Variants in INPP4A observed in about 807,000 individuals in gnomAD.
The protein encoded by INPP4A is inositol polyphosphate-4-phosphatase, type I, 107kD.
A neutral mutation model predicts 119.8 loss-of-function variants in INPP4A; 33 were observed. The observed-to-expected ratio is 0.28, with a 90% CI of 0.21 to 0.37. The LOEUF (loss-of-function observed/expected upper bound fraction) is 0.37. Among genes scored for constraint, INPP4A ranks in the 10% least tolerant of loss-of-function variants. The pLI, the probability that INPP4A is intolerant of heterozygous loss-of-function variation, is 1.00. For synonymous variants in INPP4A, 496 were observed against 500.7 expected, an observed-to-expected ratio of 0.99 and a Z score of 0.12; for missense variants, 956 against 1,289.9, an observed-to-expected ratio of 0.74 and a Z score of 3.97.
chr2:98,563,594 A>G lies in INPP4A; in HGVS notation c.1985A>G (p.Tyr662Cys). ...GACAGCGCGCCCACCATAGCCACCT[A>G]CCTGAGCCTGCAGTACCGCCGTGAC... Reference protein sequence around the residue: ...MQDSAPTIATYLSLQYRRDVV... With the variant: ...MQDSAPTIATCLSLQYRRDVV... The change falls in exon 18 of 25, where the codon TAC becomes TGC. Residue 662 changes from tyrosine to cysteine, a missense_variant. Around this residue, in one of 2 missense-constraint regions of INPP4A, gnomAD observed 304 missense variants for 492.1 expected, o/e 0.62. Transcript: ENST00000409851. 1 of 1,613,368 alleles carries G rather than the reference A, an allele frequency of 6.2e-7. No individual in the cohort carries two copies. The highest frequency in any genetic ancestry group is 2.2e-5 in the East Asian group (1 of 44,870).
intron 24 of INPP4A, among the ~76,000 whole-genome samples, chr2:98,580,065 C>T (rs1699062946): frequency 6.6e-6 from 1 of 152,250 alleles, no homozygotes; most frequent in Non-Finnish European, 1.5e-5. Context: ...CAGGCGGCTG[C>T]AAGCCGAGGT....
At chr2:98,535,051 C>G (rs981681733) in intron 5 of INPP4A, among the ~76,000 whole-genome samples, 1 of 152,170 alleles carries the variant, frequency 6.6e-6, no homozygotes, top group Non-Finnish European at 1.5e-5. Context: ...CCACCTGGAT[C>G]TGGATCTCCA....
chr2:98,571,547 A>G (rs1269348977), intron 22 of INPP4A, among the ~76,000 whole-genome samples: 1 of 152,250 alleles, frequency 6.6e-6, no homozygotes, highest in African/African-American at 2.4e-5. Context: ...GTGAAGGCCC[A>G]GGATGGGCGA....
Position 98,546,522 on chromosome 2 carries a change from C to T in INPP4A, c.1055-64C>T. The stretch of plus-strand genomic sequence containing the variant: ...AGGACCCCAGACTTGTGTGCATATC[C>T]CTATAGCTGGCTTGTCCACAGGCCT... On this transcript the variant is annotated intron_variant, in intron 12 of 24. Coordinates refer to ENST00000409851, the MANE Select transcript of INPP4A (RefSeq NM_001134225.2). The surrounding 1 kb of genome is among the most constrained non-coding windows in gnomAD (Gnocchi z 4.2). 1.8e-6 allele frequency: 2 copies of T among 1,128,742 alleles called. No individual in the cohort carries two copies. The highest frequency in any genetic ancestry group is 1.3e-6 in the Non-Finnish European group (1 of 751,602). 69.9% of individuals were successfully genotyped at this position (1,128,742 alleles called of 1,614,324 possible).
intron 10 of INPP4A, among the ~76,000 whole-genome samples, chr2:98,539,883 G>C (rs2105998854): frequency 6.6e-6 from 1 of 152,278 alleles, no homozygotes; most frequent in Admixed American, 6.5e-5. Flanking sequence ...ATAAGACAGT[G>C]TATTTGAACC....
chr2:98,473,607 G>T (rs1006169864), intron 1 of INPP4A, among the ~76,000 whole-genome samples: 16 of 152,114 alleles, frequency 1.1e-4, no homozygotes, highest in Admixed American at 7.2e-4. Context: ...GTTACAATGT[G>T]GTCAGGGCCT....
intron 4 of INPP4A, among the ~76,000 whole-genome samples, chr2:98,530,504 A>C (rs900089703): frequency 6.6e-6 from 1 of 152,174 alleles, no homozygotes; most frequent in Non-Finnish European, 1.5e-5. Context: ...CCTCTAGAGT[A>C]AAGGAACCAG....
intron 1 of INPP4A, among the ~76,000 whole-genome samples, chr2:98,476,061 G>T (rs1023667752): frequency 3.9e-5 from 6 of 152,162 alleles, no homozygotes; most frequent in Non-Finnish European, 4.4e-5. Flanking sequence ...TTTTGCCTAT[G>T]TTTTTCTCCT....
chr2:98,553,300 T>G (rs972491352), intron 14 of INPP4A, among the ~76,000 whole-genome samples: 1 of 152,208 alleles, frequency 6.6e-6, no homozygotes, highest in Non-Finnish European at 1.5e-5. Context: ...AGCACTTTTT[T>G]TTTTTGGCCA....
At chr2:98,492,752 C>A (rs138848193) in intron 1 of INPP4A, among the ~76,000 whole-genome samples, 1 of 152,298 alleles carries the variant, frequency 6.6e-6, no homozygotes, top group African/African-American at 2.4e-5. Flanking sequence ...TGTATCAGTT[C>A]GATATCTGAG....
At chr2:98,482,920 A>G (rs2105072193) in intron 1 of INPP4A, among the ~76,000 whole-genome samples, 1 of 152,362 alleles carries the variant, frequency 6.6e-6, no homozygotes, top group East Asian at 1.9e-4. Context: ...TTCAGAGGAA[A>G]TGCTTATTGG....
chr2:98,478,180 C>T lies in INPP4A; in HGVS notation c.-166+33095C>T, dbSNP rs796263845. Among the ~76,000 whole-genome samples the T allele has an allele frequency of 3.9e-5, 6 of 152,078 alleles. No homozygotes were observed. In the South Asian group the frequency reaches 6.2e-4, roughly 16 times the overall value. On this transcript the variant is annotated intron_variant, in intron 1 of 24. Transcript: ENST00000409851. ...CTAAAATAGAGCGCACTTTAATTTG[C>T]GGGTGTTTCCTTTTTCTTTCTCAGC...
chr2:98,512,482 G>A (rs1421649262), intron 1 of INPP4A, among the ~76,000 whole-genome samples: 2 of 152,232 alleles, frequency 1.3e-5, no homozygotes, highest in Non-Finnish European at 2.9e-5. Flanking sequence ...ATTTCTTACA[G>A]TCTGGAGGCT....
chr2:98,545,456 T>C (rs879256708), intron 11 of INPP4A, among the ~76,000 whole-genome samples: 1 of 152,222 alleles, frequency 6.6e-6, no homozygotes, highest in Non-Finnish European at 1.5e-5. Flanking sequence ...TTGCATTTGT[T>C]ATCTTGATGG....
chr2:98,475,031 A>G (rs1676914881), intron 1 of INPP4A, among the ~76,000 whole-genome samples: 1 of 152,092 alleles, frequency 6.6e-6, no homozygotes. Context: ...CCATGTCACA[A>G]TAAGCAGAGG....
chr2:98,519,082 G>T (rs1397731351), intron 2 of INPP4A, 57 bp downstream of exon 2: 1 of 152,248 alleles, frequency 6.6e-6, no homozygotes, highest in Admixed American at 6.5e-5. Context: ...CAGGCACAGG[G>T]TGTGGACACC....
chr2:98,463,232 G>A (rs1196319943), intron 1 of INPP4A, among the ~76,000 whole-genome samples: 1 of 152,220 alleles, frequency 6.6e-6, no homozygotes, highest in African/African-American at 2.4e-5. Context: ...GCTCTGTTGG[G>A]CTTTCCTCTG....
At chr2:98,555,110 G>C (rs572992948) in intron 15 of INPP4A, among the ~76,000 whole-genome samples, 1 of 152,298 alleles carries the variant, frequency 6.6e-6, no homozygotes, top group African/African-American at 2.4e-5. Context: ...TACACTGTGC[G>C]TGTTTCTGCA....
At chr2:98,469,444 G>A (rs1175713140) in intron 1 of INPP4A, among the ~76,000 whole-genome samples, 1 of 151,480 alleles carries the variant, frequency 6.6e-6, no homozygotes, top group African/African-American at 2.4e-5. Context: ...AGGTTGCAGT[G>A]AGCCGAGATC....
Sources: allele counts gnomAD v4.1 joint callset (sites outside exome capture counted in the v4.1 genomes callset), GRCh38; gene constraint gnomAD v4.1.1; regional missense constraint gnomAD v4.1.1; non-coding constraint Gnocchi (gnomAD v3.1); transcripts MANE v1.5; gene names NCBI Gene and HGNC (gene_info 2026-07-23, HGNC 2026-07-21).